HLTF: variants seen among roughly 807,000 people sequenced by gnomAD.
HLTF encodes DNA-dependent ATPase/E3 ubiquitin-protein ligase HLTF.
In HLTF, 127 loss-of-function variants were observed where a neutral mutation model predicts 129.4. The ratio of observed to expected loss-of-function variants is 0.98; its 90% confidence interval spans 0.85 to 1.14. The LOEUF (loss-of-function observed/expected upper bound fraction) is 1.14, where lower values mean the gene tolerates loss of function less well. Ranked by LOEUF, HLTF falls within the 50% of genes most tolerant of loss-of-function variation. The pLI is 0.00. For synonymous variants in HLTF, 332 were observed against 388.8 expected (o/e 0.85, Z 1.72); for missense variants, 1,139 against 1,187.1 (o/e 0.96, Z 0.60).
Position 149,086,345 on chromosome 3 carries a change from G to A in HLTF, c.-9C>T. 1.3e-6 allele frequency: 2 copies of A among 1,592,698 alleles called. No individual in the cohort carries two copies. The highest frequency in any genetic ancestry group is 2.3e-5 in the South Asian group (2 of 87,734). ...TTGAACATCCAGGACATGGCGCTGA[G>A]TGGGATGACAAGAGGAGCGCCTCGG... is the stretch of plus-strand genomic sequence containing the variant. On this transcript the variant is annotated 5_prime_UTR_variant, in exon 1 of 25. Coordinates refer to ENST00000310053, the MANE Select transcript of HLTF (RefSeq NM_003071.4).
chr3:149,048,126 A>T lies in HLTF; in HGVS notation c.1794T>A (p.Ser598=). The change falls in exon 17 of 25, where the codon TCT becomes TCA. Residue 598 remains serine (S), a synonymous_variant. Transcript: ENST00000310053. The stretch of plus-strand genomic sequence containing the variant: ...GTTTAAGTTTTAAAAAGGAAAGAAG[A>T]GACCACAAGTCCTTTAAAGAATTCT... The part of the protein sequence containing the change: ...PIQNSLKDLW[S]LLSFLKLKPF... The T allele has an allele frequency of 6.2e-7, 1 of 1,612,270 alleles. No homozygotes were observed. Among genetic ancestry groups the T allele is most frequent in the Non-Finnish European group, 8.5e-7 (1 of 1,179,052 alleles).
At chr3:149,072,436 A>C (rs1255137362) in intron 5 of HLTF, among the ~76,000 whole-genome samples, 1 of 152,212 alleles carries the variant, frequency 6.6e-6, no homozygotes. Context: ...ATTTATTATT[A>C]CTGCAATAAG....
Position 149,039,694 on chromosome 3 carries a change from C to A in HLTF, c.2503-1G>T. On this transcript the variant is annotated splice_acceptor_variant, in intron 21 of 24. Coordinates refer to ENST00000310053, the MANE Select transcript of HLTF (RefSeq NM_003071.4). LOFTEE classifies it high-confidence loss of function. ...TCAATGCGTGCATTAGCGCATTAATCTGCAAAAAATATTAAGATGTCCATT... is the reference window on the plus strand; with the variant it reads ...TCAATGCGTGCATTAGCGCATTAATATGCAAAAAATATTAAGATGTCCATT... The A allele has an allele frequency of 6.7e-7, 1 of 1,498,842 alleles. No homozygotes were observed. The highest frequency in any genetic ancestry group is 1.4e-5 in the African/African-American group (1 of 71,106). The allele number at this position is 1,498,842 out of a possible 1,614,324, so 92.8% of individuals were successfully genotyped here. A position where few individuals can be genotyped will look rare whatever the true frequency, so the allele number is the denominator to read the frequency against.
intron 7 of HLTF, among the ~76,000 whole-genome samples, chr3:149,070,991 G>A (rs2108043980): frequency 6.6e-6 from 1 of 151,424 alleles, no homozygotes; most frequent in South Asian, 2.1e-4. Context: ...GCTGCAGTGA[G>A]CCAAGATCGC....
Position 149,050,329 on chromosome 3 carries a change from T to C in HLTF, c.1520A>G (p.Tyr507Cys), listed in dbSNP as rs1161257427. 6.3e-7 allele frequency: 1 copy of C among 1,596,766 alleles called. No individual in the cohort carries two copies. Among genetic ancestry groups the C allele is most frequent in the Non-Finnish European group, 8.6e-7 (1 of 1,168,028 alleles). ...AATACGATCAGGACCATAATAAACA[T>C]AAAAATTCAAGTGTACATCTGATTT... Reference protein sequence around the residue: ...HIKSDVHLNFYVYYGPDRIRE... With the variant: ...HIKSDVHLNFCVYYGPDRIRE... Residue 507 changes from tyrosine (Y) to cysteine (C), a missense_variant, in exon 15 of 25, where the codon TAT (tyrosine) becomes TGT (cysteine). Transcript: ENST00000310053.
chr3:149,038,607 A>G (rs767570785), intron 23 of HLTF, among the ~76,000 whole-genome samples: 15 of 152,042 alleles, frequency 9.9e-5, no homozygotes, highest in Non-Finnish European at 1.9e-4. Context: ...GGCCCAAGCA[A>G]TCAATCTTTC....
chr3:149,075,195 G>A (rs143181349), intron 3 of HLTF, among the ~76,000 whole-genome samples: 295 of 152,232 alleles, frequency 1.9e-3, no homozygotes, highest in African/African-American at 6.9e-3. Flanking sequence ...ACACTGCAGG[G>A]CAAAATGAAA....
chr3:149,045,165 C>T (rs1425562367), intron 18 of HLTF, among the ~76,000 whole-genome samples: 1 of 152,104 alleles, frequency 6.6e-6, no homozygotes, highest in East Asian at 1.9e-4. Context: ...CTCTGTTATT[C>T]TTCAAGCTCA....
chr3:149,060,356 C>A (rs1044622455), intron 12 of HLTF, among the ~76,000 whole-genome samples: 2 of 152,152 alleles, frequency 1.3e-5, no homozygotes, highest in Admixed American at 1.3e-4. Flanking sequence ...ATTCATACTA[C>A]ACACATAGGT....
In HLTF at chr3:149,073,256, ACT is replaced by A. The variant is rs1402375598; in HGVS notation, c.594_595del (p.Val199AlafsTer9). 6.2e-7 allele frequency: 1 copy of A among 1,611,338 alleles called. No individual in the cohort carries two copies. The highest frequency in any genetic ancestry group is 8.5e-7 in the Non-Finnish European group (1 of 1,177,860). ...AGTTGTCATCTGTACTGCAGCATGCACTGGCATACTATAGCTTGGTCCAGCTC... is the reference window on the plus strand; with the variant it reads ...AGTTGTCATCTGTACTGCAGCATGCAGGCATACTATAGCTTGGTCCAGCTC... On this transcript the variant is annotated frameshift_variant, in exon 5 of 25. Coordinates refer to ENST00000310053, the MANE Select transcript of HLTF (RefSeq NM_003071.4). LOFTEE classifies it high-confidence loss of function.
At position 149,039,754 on chromosome 3, in the gene HLTF, A is replaced by C. The variant is rs568715610; in HGVS notation, c.2503-61T>G. The C allele has an allele frequency of 8.9e-6, 8 of 894,520 alleles. 1 individual carries two copies. In the South Asian group the frequency reaches 1.3e-4, roughly 15 times the overall value. 55.4% of individuals were successfully genotyped at this position (894,520 alleles called of 1,614,324 possible). A position where few individuals can be genotyped will look rare whatever the true frequency, so the allele number is the denominator to read the frequency against. On this transcript the variant is annotated intron_variant, in intron 21 of 24. Coordinates refer to ENST00000310053, the MANE Select transcript of HLTF (RefSeq NM_003071.4). The stretch of plus-strand genomic sequence containing the variant: ...TTTAAATCAGTAAAATTAGTCTAAA[A>C]GTTTTTATCATAAAGAAAAGGTCCT...
chr3:149,063,821 T>C (rs752647478), intron 9 of HLTF, among the ~76,000 whole-genome samples: 1 of 152,088 alleles, frequency 6.6e-6, no homozygotes, highest in East Asian at 1.9e-4. Flanking sequence ...GAAAAAAAAA[T>C]CAACAGAACC....
Position 149,068,338 on chromosome 3 carries a change from TA to T in HLTF, c.895-4del, listed in dbSNP as rs1718577155. The T allele has an allele frequency of 2.2e-6, 3 of 1,382,636 alleles. No homozygotes were observed. The highest frequency in any genetic ancestry group is 3.0e-6 in the Non-Finnish European group (3 of 989,034). The allele number at this position is 1,382,636 out of a possible 1,614,324, so 85.6% of individuals were successfully genotyped here. On this transcript the variant is annotated splice_polypyrimidine_tract_variant and splice_region_variant and intron_variant, in intron 7 of 24. Coordinates refer to ENST00000310053, the MANE Select transcript of HLTF (RefSeq NM_003071.4). The stretch of plus-strand genomic sequence containing the variant: ...GCAATGGCCGTAAGAGTTTTACCCT[TA>T]AAAATGTTTTAAAAAGATAAATGGT...
intron 23 of HLTF, among the ~76,000 whole-genome samples, chr3:149,035,456 G>C (rs1715489596): frequency 1.3e-5 from 2 of 151,334 alleles, no homozygotes; most frequent in Admixed American, 6.6e-5. Context: ...ATAAAAAAAG[G>C]GTTTCTCCTG....
chr3:149,033,303 T>C (rs1292832222), intron 24 of HLTF, among the ~76,000 whole-genome samples: 1 of 152,156 alleles, frequency 6.6e-6, no homozygotes, highest in Non-Finnish European at 1.5e-5. Flanking sequence ...AAGGATACTA[T>C]GTTCCTGTAT....
At chr3:149,044,156 G>A (rs1302647314) in intron 18 of HLTF, among the ~76,000 whole-genome samples, 1 of 151,942 alleles carries the variant, frequency 6.6e-6, no homozygotes, top group African/African-American at 2.4e-5. Context: ...TATAAGATGT[G>A]GATAATTATA....
rs1010960459 is a variant in HLTF, at chr3:149,086,414, AG to A, written c.-79del. On this transcript the variant is annotated 5_prime_UTR_variant, in exon 1 of 25. Transcript: ENST00000310053. ...GAGCCGCCTCGATACGCCTCCTTCC[AG>A]GCCCCGCAGCCCTGAAGCCGGGGAC... 6.7e-7 allele frequency: 1 copy of A among 1,496,622 alleles called. No individual in the cohort carries two copies. The highest frequency in any genetic ancestry group is 1.4e-5 in the African/African-American group (1 of 71,948). The allele number at this position is 1,496,622 out of a possible 1,614,324, so 92.7% of individuals were successfully genotyped here.
intron 2 of HLTF, among the ~76,000 whole-genome samples, chr3:149,077,710 A>G (rs765412728): frequency 4.0e-5 from 6 of 151,704 alleles, no homozygotes; most frequent in Non-Finnish European, 8.8e-5. Flanking sequence ...CATTCTCAAG[A>G]AAGACCTGAG....
intron 1 of HLTF, 117 bp from the exon 2 acceptor site, chr3:149,085,006 T>C (rs1000522651): frequency 1.3e-5 from 9 of 708,860 alleles, no homozygotes; most frequent in Non-Finnish European, 2.1e-5. Context: ...GGAATCACGG[T>C]AAAGATTAAT....
Sources: gnomAD v4.1 joint callset for allele counts (sites outside exome capture counted in the v4.1 genomes callset) on GRCh38, gnomAD v4.1.1 for gene constraint, MANE v1.5 for transcripts, NCBI Gene and HGNC (gene_info 2026-07-23, HGNC 2026-07-21) for gene names.